ARHGAP33: variants seen among roughly 807,000 people sequenced by gnomAD.
ARHGAP33 encodes Rho GTPase activating protein 33.
A neutral mutation model predicts 126.2 loss-of-function variants in ARHGAP33; 57 were observed. That is an observed-to-expected ratio of 0.45 (90% CI 0.36 to 0.56). ARHGAP33 has a LOEUF of 0.56. ARHGAP33 is among the 20% of genes least tolerant of loss of function. ARHGAP33 has a pLI of 0.00. For synonymous variants in ARHGAP33, 711 were observed against 755.0 expected (o/e 0.94, Z 0.95); for missense variants, 1,500 against 1,748.3 (o/e 0.86, Z 2.53).
intron 1 of ARHGAP33, 61 bp from the exon 2 acceptor site, chr19:35,777,584 A>G: frequency 7.1e-7 from 1 of 1,402,666 alleles, no homozygotes; most frequent in Non-Finnish European, 9.9e-7. Flanking sequence ...GCCAGATAAC[A>G]ATGCTCTCGT....
In ARHGAP33 at chr19:35,788,478, C is replaced by G; in HGVS notation, c.*49C>G. 1 of 1,428,132 alleles carries G rather than the reference C, an allele frequency of 7.0e-7. No homozygotes were observed. Among genetic ancestry groups the G allele is most frequent in the East Asian group, 2.6e-5 (1 of 37,878 alleles). The allele number at this position is 1,428,132 out of a possible 1,614,324, so 88.5% of individuals were successfully genotyped here. ...TTCCTTCCCTTCACCCTCACTGGAT[C>G]TTGGCCCAACCAAATCCCTTGTTTT... On this transcript the variant is annotated 3_prime_UTR_variant, in exon 21 of 21. Coordinates refer to ENST00000007510, the MANE Select transcript of ARHGAP33 (RefSeq NM_001366178.1).
At chr19:35,776,085 T>C (rs1460953864) in intron 1 of ARHGAP33, among the ~76,000 whole-genome samples, 1 of 141,080 alleles carries the variant, frequency 7.1e-6, no homozygotes, top group East Asian at 2.1e-4. Flanking sequence ...CCTTTCTCAT[T>C]CCCGAGCCCC....
chr19:35,779,470 G>T (rs1443563957), intron 6 of ARHGAP33, among the ~76,000 whole-genome samples: 1 of 151,722 alleles, frequency 6.6e-6, no homozygotes, highest in East Asian at 2.0e-4. Flanking sequence ...TACTCTTGTT[G>T]CCCAGGCTGG....
chr19:35,782,646 A>G lies in ARHGAP33; in HGVS notation c.1280A>G (p.Asp427Gly), dbSNP rs1396433991. The G allele has an allele frequency of 1.2e-6, 2 of 1,613,422 alleles. No individual in the cohort carries two copies. Among genetic ancestry groups the G allele is most frequent in the South Asian group, 2.2e-5 (2 of 90,978 alleles). Residue 427 changes from aspartate (D) to glycine (G), a missense_variant, in exon 14 of 21, where the codon GAT becomes GGT. By Grantham distance (94) the Asp-to-Gly change is moderately conservative (BLOSUM62 -1). Transcript: ENST00000007510. This position sits in a 1 kb window ranked among gnomAD's most constrained non-coding sequence, Gnocchi z 4.1. ...GAGGAGCGTCTGGTGCGGGTGCACG[A>G]TGTCATCCAGCAGCTGCCCCCACCA... ...GEEERLVRVH[D>G]VIQQLPPPHY...
At chr19:35,784,636 C>CCAA in intron 16 of ARHGAP33, 1 of 1,274,082 alleles carries the variant, frequency 7.8e-7, no homozygotes, top group Non-Finnish European at 9.9e-7. Flanking sequence ...CGGCCCCACC[C>CCAA]AGACTCCCCG....
chr19:35,782,997 C>T lies in ARHGAP33; in HGVS notation c.1421+128C>T, dbSNP rs1971885282. 5.0e-6 allele frequency: 4 copies of T among 798,220 alleles called. No homozygotes were observed. Among genetic ancestry groups the T allele is most frequent in the Admixed American group, 4.7e-5 (2 of 42,766 alleles). The allele number at this position is 798,220 out of a possible 1,614,324, so 49.4% of individuals were successfully genotyped here. ...CAAATACCTCCCATGGACCTGGCCC[C>T]GTCCCTAGCACTGGGGACCCAGCAC... On this transcript the variant is annotated intron_variant, in intron 15 of 20. Coordinates refer to ENST00000007510, the MANE Select transcript of ARHGAP33 (RefSeq NM_001366178.1). The surrounding 1 kb of genome is among the most constrained non-coding windows in gnomAD (Gnocchi z 4.1).
In ARHGAP33 at chr19:35,784,272, G is replaced by A. The variant is rs535794132; in HGVS notation, c.1522G>A (p.Val508Ile). The A allele has an allele frequency of 6.8e-6, 11 of 1,608,908 alleles. No homozygotes were observed. The highest frequency in any genetic ancestry group is 2.3e-5 in the East Asian group (1 of 44,214). The change falls in exon 16 of 21, where the codon GTC becomes ATC. Residue 508 changes from valine to isoleucine, a missense_variant. Coordinates refer to ENST00000007510, the MANE Select transcript of ARHGAP33 (RefSeq NM_001366178.1). ...GGAGTTTCTGCTCACCCATGTGGAC[G>A]TCCTGTTCAGCGACACCTTCACCTC... is the stretch of plus-strand genomic sequence containing the variant. Reference protein sequence around the residue: ...VVEFLLTHVDVLFSDTFTSAG... With the variant: ...VVEFLLTHVDILFSDTFTSAG...
chr19:35,778,507 C>T lies in ARHGAP33; in HGVS notation c.314C>T (p.Ser105Phe). ...PVLRSYDDFR[S>F]LDAHLHRCIF... ...CTCCGGAGTTACGATGACTTTCGTT[C>T]CCTGGATGCCCACCTCCACCGGTGC... The change falls in exon 5 of 21, where the codon TCC becomes TTC. Residue 105 changes from serine to phenylalanine, a missense_variant. Ser to Phe is a radical substitution (Grantham distance 155). Transcript: ENST00000007510. The T allele has an allele frequency of 1.2e-6, 2 of 1,614,182 alleles. No individual in the cohort carries two copies. The highest frequency in any genetic ancestry group is 1.3e-5 in the African/African-American group (1 of 75,052).
rs145164586 is a variant in ARHGAP33, at chr19:35,780,634, C to T, written c.755C>T (p.Pro252Leu). The change falls in exon 9 of 21, where the codon CCG (proline) becomes CTG (leucine). Residue 252 changes from proline to leucine, a missense_variant. Around this residue, in one of 6 missense-constraint regions of ARHGAP33, gnomAD observed 281 missense variants for 413.7 expected, o/e 0.68. Coordinates refer to ENST00000007510, the MANE Select transcript of ARHGAP33 (RefSeq NM_001366178.1). Reference sequence around the variant, plus strand: ...GAACTCTTCACAGAGCGGCCAGGTCCGGGCCTGAAGGCGGGTAAGTGCCAT... The same window carrying T: ...GAACTCTTCACAGAGCGGCCAGGTCTGGGCCTGAAGGCGGGTAAGTGCCAT... ...CVELFTERPGPGLKADADGPP... is the reference protein window; with the variant it reads ...CVELFTERPGLGLKADADGPP... 9.7e-6 allele frequency: 13 copies of T among 1,338,340 alleles called. No individual in the cohort carries two copies. Among genetic ancestry groups the T allele is most frequent in the East Asian group, 4.9e-5 (1 of 20,432 alleles). 82.9% of individuals were successfully genotyped at this position (1,338,340 alleles called of 1,614,324 possible). A position where few individuals can be genotyped will look rare whatever the true frequency, so the allele number is the denominator to read the frequency against.
At position 35,780,929 on chromosome 19, in the gene ARHGAP33, G is replaced by A. The variant is rs145457173; in HGVS notation, c.839G>A (p.Arg280Gln). The A allele has an allele frequency of 1.9e-5, 30 of 1,609,342 alleles. No individual in the cohort carries two copies. In the African/African-American group the frequency reaches 2.7e-4, roughly 14 times the overall value. ...CCCCTTGCCCCCACAGCTGTGCCACGGCCTCGTGGGAAGCTGGCCGGCCTG... is the reference window on the plus strand; with the variant it reads ...CCCCTTGCCCCCACAGCTGTGCCACAGCCTCGTGGGAAGCTGGCCGGCCTG... ...GISSLTSAVP[R>Q]PRGKLAGLLR... Residue 280 changes from arginine to glutamine, a missense_variant, in exon 11 of 21, where the codon CGG becomes CAG. Transcript: ENST00000007510.
chr19:35,787,023 C>T lies in ARHGAP33; in HGVS notation c.2553C>T (p.Ala851=), dbSNP rs751047707. Residue 851 remains alanine (A), a synonymous_variant, in exon 20 of 21, where the codon GCC becomes GCT. Coordinates refer to ENST00000007510, the MANE Select transcript of ARHGAP33 (RefSeq NM_001366178.1). The part of the protein sequence containing the change: ...LRGAEAPLTD[A]CQQEMCSKLR... ...GAGCCGAGGCCCCGCTGACTGACGC[C>T]TGCCAGCAGGAGATGTGCAGCAAGC... is the stretch of plus-strand genomic sequence containing the variant. The T allele has an allele frequency of 4.3e-6, 7 of 1,609,710 alleles. No individual in the cohort carries two copies. In the East Asian group the frequency reaches 1.6e-4, roughly 36 times the overall value.
At chr19:35,784,820 C>A in intron 16 of ARHGAP33, 133 bp from the exon 17 acceptor site, 1 of 1,337,752 alleles carries the variant, frequency 7.5e-7, no homozygotes, top group Non-Finnish European at 9.6e-7. Flanking sequence ...CCCGCCTGAT[C>A]CGCCCCGGCC....
Position 35,788,468 on chromosome 19 carries a change from C to T in ARHGAP33, c.*39C>T. On this transcript the variant is annotated 3_prime_UTR_variant, in exon 21 of 21. Transcript: ENST00000007510. ...GGGGCCGTCCTTCCTTCCCTTCACC[C>T]TCACTGGATCTTGGCCCAACCAAAT... is the stretch of plus-strand genomic sequence containing the variant. 1 of 1,462,720 alleles carries T rather than the reference C, an allele frequency of 6.8e-7. No individual in the cohort carries two copies. The highest frequency in any genetic ancestry group is 9.1e-7 in the Non-Finnish European group (1 of 1,101,564). The allele number at this position is 1,462,720 out of a possible 1,614,324, so 90.6% of individuals were successfully genotyped here.
Position 35,778,264 on chromosome 19 carries a change from T to C in ARHGAP33, c.190-16T>C. 3 of 1,614,046 alleles carry C rather than the reference T, an allele frequency of 1.9e-6. No homozygotes were observed. Among genetic ancestry groups the C allele is most frequent in the Non-Finnish European group, 2.5e-6 (3 of 1,179,962 alleles). On this transcript the variant is annotated splice_polypyrimidine_tract_variant and intron_variant, in intron 3 of 20. Coordinates refer to ENST00000007510, the MANE Select transcript of ARHGAP33 (RefSeq NM_001366178.1). ...CTGGGACAAAAGTCCACCTGGGCCT[T>C]GCTTTCCCTCTGCAGCTCCTGCTGT...
intron 2 of ARHGAP33, 37 bp downstream of exon 2, chr19:35,777,779 G>A: frequency 6.2e-7 from 1 of 1,613,598 alleles, no homozygotes; most frequent in African/African-American, 1.3e-5. Context: ...GCTAGGAGCT[G>A]GGGAGACTCA....
Position 35,786,573 on chromosome 19 carries a change from T to G in ARHGAP33, c.2103T>G (p.Ala701=), listed in dbSNP as rs1568431856. 5 of 1,535,940 alleles carry G rather than the reference T, an allele frequency of 3.3e-6. No homozygotes were observed. In the South Asian group the frequency reaches 4.8e-5, roughly 15 times the overall value. Residue 701 remains alanine, a synonymous_variant, in exon 20 of 21, where the codon GCT becomes GCG. Coordinates refer to ENST00000007510, the MANE Select transcript of ARHGAP33 (RefSeq NM_001366178.1). This position sits in a 1 kb window ranked among gnomAD's most constrained non-coding sequence, Gnocchi z 7.0. ...CTTCCTCCTCTGAGTCCTCAGCAGC[T>G]GGGCTGGGGGCACTCTCTGGGTCTC... ...SSSSSSESSA[A]GLGALSGSPS...
rs746612565 is a variant in ARHGAP33, at chr19:35,787,723, AC to A, written c.3163del (p.Leu1055TrpfsTer118). On this transcript the variant is annotated frameshift_variant, in exon 21 of 21. Transcript: ENST00000007510. LOFTEE classifies it high-confidence loss of function. ...PFLGVPKPGL[Y>X]PLGPPSFQPS... ...CTCGGGGTCCCCAAGCCAGGCTTGT[AC>A]CCCCTGGGCCCCCCATCCTTCCAGC... The A allele has an allele frequency of 8.2e-6, 13 of 1,585,468 alleles. No individual in the cohort carries two copies. The highest frequency in any genetic ancestry group is 4.2e-5 in the African/African-American group (3 of 72,060).
In ARHGAP33 at chr19:35,784,307, C is replaced by G. The variant is rs781777319; in HGVS notation, c.1557C>G (p.Leu519=). 8 of 1,581,740 alleles carry G rather than the reference C, an allele frequency of 5.1e-6. No homozygotes were observed. The highest frequency in any genetic ancestry group is 6.0e-6 in the Non-Finnish European group (7 of 1,162,274). The change falls in exon 16 of 21, where the codon CTC becomes CTG. Residue 519 remains leucine, a synonymous_variant. Coordinates refer to ENST00000007510, the MANE Select transcript of ARHGAP33 (RefSeq NM_001366178.1). ...LFSDTFTSAG[L]DPAGRCLLPR... is the part of the protein sequence containing the mutation. Reference sequence around the variant, plus strand: ...GCGACACCTTCACCTCCGCCGGCCTCGACCCTGCAGGTATGCCCTCCCACC... The same window carrying G: ...GCGACACCTTCACCTCCGCCGGCCTGGACCCTGCAGGTATGCCCTCCCACC...
Position 35,786,786 on chromosome 19 carries a change from C to A in ARHGAP33, c.2316C>A (p.Pro772=). 1.3e-6 allele frequency: 2 copies of A among 1,518,190 alleles called. No individual in the cohort carries two copies. The highest frequency in any genetic ancestry group is 1.2e-5 in the South Asian group (1 of 80,918). The allele number at this position is 1,518,190 out of a possible 1,614,324, so 94.0% of individuals were successfully genotyped here. The change falls in exon 20 of 21, where the codon CCC becomes CCA. Residue 772 remains proline (P), a synonymous_variant. Coordinates refer to ENST00000007510, the MANE Select transcript of ARHGAP33 (RefSeq NM_001366178.1). The surrounding 1 kb of genome is among the most constrained non-coding windows in gnomAD (Gnocchi z 7.0). ...APPAPASAFP[P]RVTPQAISPR... ...CCGCCCCTGCCTCTGCCTTCCCACC[C>A]AGGGTGACCCCCCAGGCCATCTCGC...
Sources: allele counts gnomAD v4.1 joint callset (sites outside exome capture counted in the v4.1 genomes callset), GRCh38; gene constraint gnomAD v4.1.1; regional missense constraint gnomAD v4.1.1; non-coding constraint Gnocchi (gnomAD v3.1); transcripts MANE v1.5; gene names NCBI Gene and HGNC (gene_info 2026-07-23, HGNC 2026-07-21).